The following SCARA5 variants were observed in gnomAD, a reference collection of about 807,000 sequenced individuals.
SCARA5 encodes scavenger receptor class A member 5, also known as scavenger receptor class A, member 5 (putative).
A neutral mutation model predicts 46.3 loss-of-function variants in SCARA5; 45 were observed. That is an observed-to-expected ratio of 0.97 (90% CI 0.76 to 1.24). SCARA5 has a LOEUF of 1.24. Among genes scored for constraint, SCARA5 ranks in the 50% most tolerant of loss-of-function variants. The pLI is 0.00. For missense variants in SCARA5, 680 were observed against 689.0 expected, an observed-to-expected ratio of 0.99 and a Z score of 0.15; for synonymous variants, 333 against 306.5, an observed-to-expected ratio of 1.09 and a Z score of -0.90.
intron 3 of SCARA5, among the ~76,000 whole-genome samples, chr8:27,925,708 G>A (rs558085745): frequency 6.6e-6 from 1 of 152,044 alleles, no homozygotes; most frequent in African/African-American, 2.4e-5. Flanking sequence ...TCTGACAAAG[G>A]GCTAATATCC....
chr8:27,893,715 C>T (rs902344081), intron 7 of SCARA5, among the ~76,000 whole-genome samples: 1 of 152,224 alleles, frequency 6.6e-6, no homozygotes, highest in African/African-American at 2.4e-5. Flanking sequence ...ACTTACTCGC[C>T]CTGGCATCTC....
chr8:27,936,849 G>T (rs949756516), intron 3 of SCARA5, among the ~76,000 whole-genome samples: 23 of 152,262 alleles, frequency 1.5e-4, no homozygotes, highest in Non-Finnish European at 4.4e-5. Context: ...CAGAGGCGGG[G>T]CTGGCTACTT....
chr8:27,978,223 G>C (rs1381864377), intron 2 of SCARA5, among the ~76,000 whole-genome samples: 4 of 149,334 alleles, frequency 2.7e-5, no homozygotes, highest in Non-Finnish European at 4.4e-5. Flanking sequence ...GAGAGAAAAG[G>C]TTTCACCATG....
chr8:27,886,841 A>G (rs1175930649), intron 7 of SCARA5, among the ~76,000 whole-genome samples: 4 of 152,144 alleles, frequency 2.6e-5, no homozygotes, highest in African/African-American at 4.8e-5. Flanking sequence ...CCCCGACTTA[A>G]TCAGAAGTGG....
intron 3 of SCARA5, among the ~76,000 whole-genome samples, chr8:27,923,378 G>A (rs1014182475): frequency 6.6e-6 from 1 of 152,152 alleles, no homozygotes; most frequent in Non-Finnish European, 1.5e-5. Flanking sequence ...GAGCTCCAGG[G>A]GCAACATGAG....
At chr8:27,927,353 T>A (rs1163624524) in intron 3 of SCARA5, among the ~76,000 whole-genome samples, 1 of 152,234 alleles carries the variant, frequency 6.6e-6, no homozygotes, top group South Asian at 2.1e-4. Flanking sequence ...CTTTTATTGC[T>A]GTTCATTGCA....
At chr8:27,952,735 G>A (rs1056081081) in intron 3 of SCARA5, among the ~76,000 whole-genome samples, 4 of 152,206 alleles carry the variant, frequency 2.6e-5, no homozygotes, top group Non-Finnish European at 5.9e-5. Flanking sequence ...ATTATTGGCC[G>A]TATGGACAAT....
chr8:27,972,546 A>G (rs974166325), intron 2 of SCARA5, among the ~76,000 whole-genome samples: 2 of 152,114 alleles, frequency 1.3e-5, no homozygotes, highest in African/African-American at 4.8e-5. Context: ...ATAGAGAAGA[A>G]AAACCAAATT....
intron 3 of SCARA5, among the ~76,000 whole-genome samples, chr8:27,931,976 CT>C (rs982424778): frequency 2.8e-5 from 1 of 35,662 alleles, no homozygotes; most frequent in Non-Finnish European, 9.2e-5. Flanking sequence ...ATTTTTAATT[CT>C]TTTATTTTTA....
chr8:27,907,121 C>A, intron 6 of SCARA5, 27 bp downstream of exon 6: 3 of 1,560,680 alleles, frequency 1.9e-6, no homozygotes, highest in African/African-American at 2.7e-5. Context: ...GGTGGTGAGG[C>A]TCAGGGAGAA....
At chr8:27,941,573 T>C (rs1345110469) in intron 3 of SCARA5, among the ~76,000 whole-genome samples, 1 of 152,046 alleles carries the variant, frequency 6.6e-6, no homozygotes, top group Non-Finnish European at 1.5e-5. Flanking sequence ...AAACCCCACA[T>C]ATACTGCAAA....
intron 4 of SCARA5, among the ~76,000 whole-genome samples, chr8:27,920,688 T>A (rs1178898621): frequency 6.6e-6 from 1 of 151,446 alleles, no homozygotes; most frequent in Non-Finnish European, 1.5e-5. Context: ...AGTGTGCACC[T>A]GTAGTCCTAA....
intron 3 of SCARA5, among the ~76,000 whole-genome samples, chr8:27,952,135 G>A (rs896787498): frequency 6.6e-6 from 1 of 152,022 alleles, no homozygotes; most frequent in African/African-American, 2.4e-5. Flanking sequence ...GTTGGGTGTC[G>A]ATGGGAGCGC....
chr8:27,975,513 G>GA (rs1808509210), intron 2 of SCARA5, among the ~76,000 whole-genome samples: 1 of 126,446 alleles, frequency 7.9e-6, no homozygotes, highest in Non-Finnish European at 1.8e-5. Flanking sequence ...TCAACCTGTG[G>GA]GAATCCAAGG....
intron 3 of SCARA5, among the ~76,000 whole-genome samples, chr8:27,924,523 CT>C (rs1807651497): frequency 6.6e-6 from 1 of 152,198 alleles, no homozygotes; most frequent in Non-Finnish European, 1.5e-5. Context: ...GCCTCGACTT[CT>C]CCCCCACCCA....
chr8:27,924,000 G>A (rs11786748), intron 3 of SCARA5, among the ~76,000 whole-genome samples: 87,924 of 152,050 alleles, frequency 0.58, 26,392 homozygotes, highest in South Asian at 0.73. Flanking sequence ...ACTAAGAACA[G>A]TGATGTGTGT....
intron 6 of SCARA5, among the ~76,000 whole-genome samples, chr8:27,905,523 T>TGGCGGCGGGG (rs751627046): frequency 1.3e-4 from 7 of 53,694 alleles, no homozygotes; most frequent in Non-Finnish European, 3.1e-4. Context: ...ATCCAAGATT[T>TGGCGGCGGGG]GGGGGGGGGA....
chr8:27,923,465 CAT>C (rs1255465268), intron 3 of SCARA5, among the ~76,000 whole-genome samples: 1 of 152,234 alleles, frequency 6.6e-6, no homozygotes, highest in Non-Finnish European at 1.5e-5. Flanking sequence ...AATCAGAGTC[CAT>C]GATTGGACAG....
intron 3 of SCARA5, among the ~76,000 whole-genome samples, chr8:27,954,867 C>T (rs1475915372): frequency 3.3e-5 from 5 of 152,242 alleles, no homozygotes; most frequent in Non-Finnish European, 7.3e-5. Context: ...CTTTCCTTGA[C>T]TCCTCCCGGA....
Sources: allele counts gnomAD v4.1 joint callset (sites outside exome capture counted in the v4.1 genomes callset), GRCh38; gene constraint gnomAD v4.1.1; transcripts MANE v1.5; gene names NCBI Gene and HGNC (gene_info 2026-07-23, HGNC 2026-07-21).